The following KIAA1671 variants were observed in gnomAD, a reference collection of about 807,000 sequenced individuals.
KIAA1671 encodes the protein KIAA1671.
KIAA1671 carries 52 observed loss-of-function variants against 131.2 expected under a neutral mutation model. The ratio of observed to expected loss-of-function variants is 0.40; its 90% CI spans 0.32 to 0.50. The LOEUF (loss-of-function observed/expected upper bound fraction) is 0.50. Among genes scored for constraint, KIAA1671 ranks in the 20% least tolerant of loss-of-function variants. The pLI is 0.73. For synonymous variants in KIAA1671, 1,003 were observed against 961.6 expected (o/e 1.04, Z -0.80); for missense variants, 2,360 against 2,364.2 (o/e 1.00, Z 0.04).
intron 1 of KIAA1671, among the ~76,000 whole-genome samples, chr22:24,967,506 A>G (rs1281354694): frequency 1.3e-5 from 2 of 151,932 alleles, no homozygotes; most frequent in Non-Finnish European, 1.5e-5. Flanking sequence ...CATCTTTGTT[A>G]TTTGTTGAGC....
In KIAA1671 at chr22:25,028,009, C is replaced by A. The variant is rs1037057914; in HGVS notation, c.10C>A (p.Arg4=). Residue 4 remains arginine, a synonymous_variant, in exon 3 of 13, where the codon CGG becomes AGG. Transcript: ENST00000358431. ...ATCCACAACCATAACCATGGCCACGCGGGTCGAGGTGGGCTCCATAACGCC... is the reference window on the plus strand; with the variant it reads ...ATCCACAACCATAACCATGGCCACGAGGGTCGAGGTGGGCTCCATAACGCC... The part of the protein sequence containing the change: MAT[R]VEVGSITPLT... 1 of 1,484,460 alleles carries A rather than the reference C, an allele frequency of 6.7e-7. No homozygotes were observed. Among genetic ancestry groups the A allele is most frequent in the Non-Finnish European group, 9.0e-7 (1 of 1,113,478 alleles). The allele number at this position is 1,484,460 out of a possible 1,614,324, so 92.0% of individuals were successfully genotyped here.
intron 1 of KIAA1671, among the ~76,000 whole-genome samples, chr22:25,015,992 C>T (rs934511808): frequency 5.3e-5 from 8 of 151,354 alleles, no homozygotes; most frequent in Non-Finnish European, 1.0e-4. Flanking sequence ...TGAGCACTGA[C>T]TTTTTAAGGA....
intron 6 of KIAA1671, among the ~76,000 whole-genome samples, chr22:25,151,067 C>T (rs1933023231): frequency 6.6e-6 from 1 of 151,860 alleles, no homozygotes; most frequent in Non-Finnish European, 1.5e-5. Context: ...ATCTTCTGAC[C>T]TCATGATCCG....
At chr22:25,033,728 G>A (rs1442145005) in intron 4 of KIAA1671, among the ~76,000 whole-genome samples, 6 of 150,324 alleles carry the variant, frequency 4.0e-5, no homozygotes, top group African/African-American at 1.2e-4. Context: ...ACAGGTGCCC[G>A]CCACCATGCC....
chr22:24,974,835 A>G (rs943364870), intron 1 of KIAA1671, among the ~76,000 whole-genome samples: 2 of 151,744 alleles, frequency 1.3e-5, no homozygotes, highest in African/African-American at 4.8e-5. Flanking sequence ...TGGGACTACA[A>G]GTGCACGCCA....
At chr22:25,146,968 A>G (rs780370105) in intron 6 of KIAA1671, among the ~76,000 whole-genome samples, 9 of 151,950 alleles carry the variant, frequency 5.9e-5, no homozygotes, top group Non-Finnish European at 8.8e-5. Context: ...GAGCAAACCT[A>G]ACACTTTGTG....
rs200980661 is a variant in KIAA1671, at chr22:25,026,324, G to C, written c.-56+540G>C. On this transcript the variant is annotated intron_variant, in intron 2 of 12. Transcript: ENST00000358431. ...GTCCATCTAGGTGGGGGCTGGCTGG[G>C]GGCAGTTTCACAGGGAAGAAAACAC... 6.6e-5 allele frequency among the ~76,000 whole-genome samples: 10 copies of C among 152,238 alleles called. No homozygotes were observed. The East Asian group carries it at 1.9e-3, about 29-fold the overall frequency.
chr22:25,179,695 AT>A, intron 9 of KIAA1671: 4 of 601,634 alleles, frequency 6.6e-6, no homozygotes, highest in Non-Finnish European at 8.8e-6. Flanking sequence ...TAGTATATTA[AT>A]TGAGGCTCTT....
In KIAA1671 at chr22:25,028,249, C is replaced by G; in HGVS notation, c.250C>G (p.Leu84Val). ...GGACGTGAAATCTCCTGTCCCGTCTCTGCGGCCCAGTTCGACTGGACCTTC... is the reference window on the plus strand; with the variant it reads ...GGACGTGAAATCTCCTGTCCCGTCTGTGCGGCCCAGTTCGACTGGACCTTC... The part of the protein sequence containing the change: ...EQDVKSPVPS[L>V]RPSSTGPSPS... Residue 84 changes from leucine to valine, a missense_variant, in exon 3 of 13, where the codon CTG becomes GTG. By Grantham distance (32) the Leu-to-Val change is conservative. Transcript: ENST00000358431. 12 of 1,551,680 alleles carry G rather than the reference C, an allele frequency of 7.7e-6. No homozygotes were observed. Among genetic ancestry groups the G allele is most frequent in the Non-Finnish European group, 1.0e-5 (12 of 1,146,998 alleles).
Position 25,039,448 on chromosome 22 carries a change from T to A in KIAA1671, c.2318T>A (p.Leu773Gln). Reference protein sequence around the residue: ...RSWLSLKDRQLSQEVTPADLE... With the variant: ...RSWLSLKDRQQSQEVTPADLE... The stretch of plus-strand genomic sequence containing the variant: ...TGGCTCTCACTGAAGGACAGGCAGC[T>A]GTCCCAGGAGGTCACCCCTGCTGAC... Residue 773 changes from leucine (L) to glutamine (Q), a missense_variant, in exon 5 of 13, where the codon CTG (leucine) becomes CAG (glutamine). By Grantham distance (113) the Leu-to-Gln change is moderately radical. This residue lies in a region of KIAA1671 where 1,185 missense variants were observed against 1,126.2 expected (regional missense o/e 1.05). Transcript: ENST00000358431. 6.4e-7 allele frequency: 1 copy of A among 1,551,802 alleles called. No homozygotes were observed.
At chr22:25,151,403 C>T (rs1316104833) in intron 6 of KIAA1671, among the ~76,000 whole-genome samples, 3 of 147,830 alleles carry the variant, frequency 2.0e-5, no homozygotes, top group Non-Finnish European at 3.0e-5. Context: ...TCAACAAAGT[C>T]CAGTTATACA....
intron 1 of KIAA1671, among the ~76,000 whole-genome samples, chr22:25,000,215 A>T (rs1602056741): frequency 4.2e-5 from 1 of 23,770 alleles, no homozygotes; most frequent in Non-Finnish European, 6.5e-5. Context: ...TTTTTTTGAG[A>T]CGGAGTCTCG....
intron 6 of KIAA1671, among the ~76,000 whole-genome samples, chr22:25,148,334 T>C (rs1284838557): frequency 2.7e-5 from 4 of 148,372 alleles, no homozygotes; most frequent in Non-Finnish European, 1.5e-5. Context: ...CCTCCCACAG[T>C]CCCAGCGCTC....
intron 10 of KIAA1671, among the ~76,000 whole-genome samples, chr22:25,183,920 C>T (rs1290356580): frequency 1.3e-5 from 2 of 151,992 alleles, no homozygotes; most frequent in African/African-American, 4.8e-5. Flanking sequence ...ACGCAGGAGG[C>T]AGACAGCCAC....
At position 25,185,269 on chromosome 22, in the gene KIAA1671, T is replaced by G. The variant is rs1230837409; in HGVS notation, c.5342+150T>G. 6.7e-6 allele frequency: 6 copies of G among 900,424 alleles called. No homozygotes were observed. The East Asian group carries it at 1.7e-4, about 25-fold the overall frequency. The allele number at this position is 900,424 out of a possible 1,614,324, so 55.8% of individuals were successfully genotyped here. On this transcript the variant is annotated intron_variant, in intron 11 of 12. Coordinates refer to ENST00000358431, the MANE Select transcript of KIAA1671 (RefSeq NM_001145206.2). ...GCAGAAGCTTTGTTCATGAGAATTC[T>G]CAATACTCAGATACCTAAAAAGTAC...
rs551004428 is a variant in KIAA1671 at position 25,134,782 on chromosome 22, A to G, written c.4531-36038A>G. On this transcript the variant is annotated intron_variant, in intron 6 of 12. Coordinates refer to ENST00000358431, the MANE Select transcript of KIAA1671 (RefSeq NM_001145206.2). ...AGACAGACCAGAATTTAAATCCCAG[A>G]CCCACCACTTGCCAGCTCTGTAACC... 2.0e-5 allele frequency among the ~76,000 whole-genome samples: 3 copies of G among 152,280 alleles called. No homozygotes were observed. The East Asian group carries it at 5.8e-4, about 29-fold the overall frequency.
chr22:25,097,006 C>T (rs960737482), intron 6 of KIAA1671, among the ~76,000 whole-genome samples: 1 of 152,216 alleles, frequency 6.6e-6, no homozygotes, highest in African/African-American at 2.4e-5. Context: ...GTGTATTCAT[C>T]CCTTCTCTTG....
At chr22:25,045,253 A>G (rs1927160070) in intron 5 of KIAA1671, among the ~76,000 whole-genome samples, 2 of 152,096 alleles carry the variant, frequency 1.3e-5, no homozygotes, top group Non-Finnish European at 2.9e-5. Context: ...ACTGGGGAAC[A>G]CCCCTCTAGG....
At chr22:24,959,717 G>C (rs1028142933) in intron 1 of KIAA1671, among the ~76,000 whole-genome samples, 1 of 152,096 alleles carries the variant, frequency 6.6e-6, no homozygotes, top group Non-Finnish European at 1.5e-5. Flanking sequence ...AGAAGGAAGG[G>C]GGCAAGGTGA....
Sources: gnomAD v4.1 joint callset for allele counts (sites outside exome capture counted in the v4.1 genomes callset) on GRCh38, gnomAD v4.1.1 for gene constraint, gnomAD v4.1.1 regional missense constraint, MANE v1.5 for transcripts, NCBI Gene and HGNC (gene_info 2026-07-23, HGNC 2026-07-21) for gene names.